Variants in TYW1B observed in about 807,000 individuals in gnomAD.
The protein encoded by TYW1B is S-adenosyl-L-methionine-dependent tRNA 4-demethylwyosine synthase TYW1B.
Under a neutral mutation model 86.9 loss-of-function variants are expected in TYW1B, and 73 were observed. The ratio of observed to expected loss-of-function variants is 0.84; its 90% CI spans 0.70 to 1.02. The LOEUF (loss-of-function observed/expected upper bound fraction) is 1.02, where lower values mean the gene tolerates loss of function less well. Ranked by LOEUF, TYW1B falls within the 50% of genes least tolerant of loss-of-function variation. TYW1B has a pLI of 0.00. For missense variants in TYW1B, 637 were observed against 827.4 expected (o/e 0.77, Z 2.82); for synonymous variants, 248 against 292.8 (o/e 0.85, Z 1.56).
chr7:72,765,811 G>C (rs1187395780), intron 7 of TYW1B, among the ~76,000 whole-genome samples: 30 of 152,194 alleles, frequency 2.0e-4, no homozygotes, highest in Middle Eastern at 3.4e-3. Context: ...TCTGATTTAT[G>C]AACCACAAAA....
In TYW1B at chr7:72,663,643, A is replaced by C. The variant is rs1234563202; in HGVS notation, c.1506+31044T>G. ...GCCGGGCGTGGTGGCAGGCGCCTGT[A>C]GTCCCAGCTACTAGGGAGGCTGAGG... On this transcript the variant is annotated intron_variant, in intron 11 of 13. Transcript: ENST00000620995. 3.3e-5 allele frequency among the ~76,000 whole-genome samples: 5 copies of C among 150,766 alleles called. No individual in the cohort carries two copies. The East Asian group carries it at 7.9e-4, about 24-fold the overall frequency.
intron 11 of TYW1B, among the ~76,000 whole-genome samples, chr7:72,632,784 G>A (rs1812573412): frequency 1.3e-5 from 2 of 152,010 alleles, no homozygotes; most frequent in South Asian, 4.1e-4. Context: ...TCCAATGTCT[G>A]TCTAATCTTT....
intron 8 of TYW1B, among the ~76,000 whole-genome samples, chr7:72,734,268 A>AAAAAAAAAAAAAAAAAC (rs56806378): frequency 0.03 from 2,896 of 97,204 alleles, 178 homozygotes; most frequent in Non-Finnish European, 0.043. Context: ...AAAAAAAAAA[A>AAAAAAAAAAAAAAAAAC]ACACAACAAA....
At chr7:72,729,875 A>C (rs1554459494) in intron 8 of TYW1B, among the ~76,000 whole-genome samples, 1 of 152,164 alleles carries the variant, frequency 6.6e-6, no homozygotes, top group African/African-American at 2.4e-5. Context: ...CAGCAAGCCC[A>C]GCAACACCGA....
chr7:72,776,298 G>C (rs782353509), intron 7 of TYW1B, among the ~76,000 whole-genome samples: 15 of 152,040 alleles, frequency 9.9e-5, no homozygotes, highest in Non-Finnish European at 2.2e-4. Flanking sequence ...AAGTAGTATG[G>C]TGTAGGCCAG....
In TYW1B at chr7:72,775,730, GA is replaced by G. The variant is rs113111246; in HGVS notation, c.964+1685del. Among the ~76,000 whole-genome samples the G allele has an allele frequency of 5.7e-3, 746 of 130,774 alleles. 8 individuals carry two copies. The highest frequency in any genetic ancestry group is 9.9e-3 in the Non-Finnish European group (599 of 60,312). 85.8% of individuals were successfully genotyped at this position (130,774 alleles called of 152,430 possible). A position where few individuals can be genotyped will look rare whatever the true frequency, so the allele number is the denominator to read the frequency against. ...AGTCGCCACAGGTAAGTTTAAATTAGAAAAAAAAAAAACAAAAAACAAGTAG... is the reference window on the plus strand; with the variant it reads ...AGTCGCCACAGGTAAGTTTAAATTAGAAAAAAAAAAACAAAAAACAAGTAG... On this transcript the variant is annotated intron_variant, in intron 7 of 13. Coordinates refer to ENST00000620995, the MANE Select transcript of TYW1B (RefSeq NM_001145440.3).
At chr7:72,588,464 A>C (rs1554430842) in intron 13 of TYW1B, among the ~76,000 whole-genome samples, 2 of 152,194 alleles carry the variant, frequency 1.3e-5, no homozygotes, top group South Asian at 2.1e-4. Flanking sequence ...ATGGAGATAC[A>C]CAAGTCCCTT....
intron 12 of TYW1B, 91 bp downstream of exon 12, chr7:72,628,796 A>G (rs1554439298): frequency 1.1e-6 from 1 of 935,518 alleles, no homozygotes; most frequent in African/African-American, 1.8e-5. Context: ...GGACCTCTAG[A>G]GTTTTACAAG....
chr7:72,593,207 T>C (rs1208124404), intron 13 of TYW1B, among the ~76,000 whole-genome samples: 4 of 150,640 alleles, frequency 2.7e-5, no homozygotes, highest in African/African-American at 9.8e-5. Context: ...CAGGAGAAAT[T>C]GCTTGAACCT....
chr7:72,776,855 A>G (rs1286849719), intron 7 of TYW1B, among the ~76,000 whole-genome samples: 1 of 151,972 alleles, frequency 6.6e-6, no homozygotes, highest in Non-Finnish European at 1.5e-5. Context: ...TACCAGACCG[A>G]CAGTTTCTTG....
At chr7:72,723,518 A>G (rs7804668) in intron 9 of TYW1B, among the ~76,000 whole-genome samples, 118,073 of 151,942 alleles carry the variant, frequency 0.78, 46,190 homozygotes, top group Non-Finnish European at 0.8. Context: ...TATAATCCCA[A>G]CACTTTGGGA....
intron 13 of TYW1B, among the ~76,000 whole-genome samples, chr7:72,588,282 A>C (rs1811320492): frequency 6.6e-6 from 1 of 152,208 alleles, no homozygotes; most frequent in Non-Finnish European, 1.5e-5. Flanking sequence ...TTAATCTCCA[A>C]TTTTGTTGGA....
At chr7:72,607,730 A>G (rs1252651487) in intron 13 of TYW1B, among the ~76,000 whole-genome samples, 8 of 152,102 alleles carry the variant, frequency 5.3e-5, no homozygotes, top group Non-Finnish European at 7.4e-5. Flanking sequence ...AAAATCTAAC[A>G]TTTGTGTCAT....
intron 13 of TYW1B, among the ~76,000 whole-genome samples, chr7:72,586,380 T>G (rs1446164056): frequency 6.6e-6 from 1 of 152,122 alleles, no homozygotes; most frequent in Non-Finnish European, 1.5e-5. Context: ...CCTCCAGAGG[T>G]TGAGCCAATA....
chr7:72,614,863 C>T (rs1585849380), intron 13 of TYW1B, among the ~76,000 whole-genome samples: 1 of 152,312 alleles, frequency 6.6e-6, no homozygotes, highest in South Asian at 2.1e-4. Flanking sequence ...TGTTTCATAA[C>T]AATGGCCTCG....
At position 72,810,678 on chromosome 7, in the gene TYW1B, G is replaced by C; in HGVS notation, c.238-13C>G. On this transcript the variant is annotated splice_polypyrimidine_tract_variant and intron_variant, in intron 3 of 13. Coordinates refer to ENST00000620995, the MANE Select transcript of TYW1B (RefSeq NM_001145440.3). ...TTTTACTAGTCACCTAACCAAGAAA[G>C]TAATTGTTTCAGTGGAACATACAAG... is the stretch of plus-strand genomic sequence containing the variant. The C allele has an allele frequency of 6.3e-7, 1 of 1,588,626 alleles. No homozygotes were observed. Among genetic ancestry groups the C allele is most frequent in the Non-Finnish European group, 8.6e-7 (1 of 1,166,690 alleles).
chr7:72,782,755 T>C (rs1381860605), intron 6 of TYW1B, among the ~76,000 whole-genome samples: 1 of 152,104 alleles, frequency 6.6e-6, no homozygotes, highest in African/African-American at 2.4e-5. Flanking sequence ...CAAAGGCCTA[T>C]AATTTCAGCT....
At chr7:72,680,090 T>C (rs1813832910) in intron 11 of TYW1B, among the ~76,000 whole-genome samples, 1 of 152,336 alleles carries the variant, frequency 6.6e-6, no homozygotes, top group Admixed American at 6.5e-5. Flanking sequence ...GATCATACTG[T>C]GGCACTCCAG....
At chr7:72,604,474 A>C (rs1196558036) in intron 13 of TYW1B, among the ~76,000 whole-genome samples, 1 of 151,974 alleles carries the variant, frequency 6.6e-6, no homozygotes, top group Non-Finnish European at 1.5e-5. Flanking sequence ...AAAATAAAAA[A>C]ATTTTTAAAA....
Sources: allele counts gnomAD v4.1 joint callset (sites outside exome capture counted in the v4.1 genomes callset), GRCh38; gene constraint gnomAD v4.1.1; transcripts MANE v1.5; gene names NCBI Gene and HGNC (gene_info 2026-07-23, HGNC 2026-07-21).